KPNA6: variants seen among roughly 807,000 people sequenced by gnomAD.
The protein encoded by KPNA6 is karyopherin subunit alpha 6.
A neutral mutation model predicts 72.0 loss-of-function variants in KPNA6; 9 were observed. The observed-to-expected ratio is 0.13, with a 90% CI of 0.08 to 0.22. KPNA6 has a LOEUF of 0.22. KPNA6 is among the 10% of genes least tolerant of loss of function. The pLI is 1.00. For synonymous variants in KPNA6, 219 were observed against 242.1 expected, an observed-to-expected ratio of 0.90 and a Z score of 0.89; for missense variants, 374 against 655.7, an observed-to-expected ratio of 0.57 and a Z score of 4.69.
At chr1:32,153,016 C>CAAAAAAAA (rs766574019) in intron 1 of KPNA6, among the ~76,000 whole-genome samples, 1 of 34,946 alleles carries the variant, frequency 2.9e-5, no homozygotes, top group Non-Finnish European at 5.6e-5. Flanking sequence ...GACTCCATCT[C>CAAAAAAAA]AAAAAAAAAA....
At position 32,119,015 on chromosome 1, in the gene KPNA6, TATA is replaced by T. The variant is rs1246097509; in HGVS notation, c.4+10882_4+10884del. ...GTGTATACATATATATATATATATA[TATA>T]TATATATATATATATTTTTTTTTTT... is the stretch of plus-strand genomic sequence containing the variant. On this transcript the variant is annotated intron_variant, in intron 1 of 13. Transcript: ENST00000373625. Among the ~76,000 whole-genome samples, 118 of 73,508 alleles carry T rather than the reference TATA, an allele frequency of 1.6e-3. 8 individuals carry two copies. The highest frequency in any genetic ancestry group is 4.9e-3 in the East Asian group (13 of 2,674). 48.2% of individuals were successfully genotyped at this position (73,508 alleles called of 152,430 possible).
chr1:32,157,078 C>T (rs1642159119), intron 3 of KPNA6, 133 bp downstream of exon 3: 1 of 660,926 alleles, frequency 1.5e-6, no homozygotes, highest in Non-Finnish European at 2.6e-6. Flanking sequence ...ACCCTTTCGT[C>T]AGCTTTAGGA....
chr1:32,156,389 G>T (rs989955518), intron 2 of KPNA6, among the ~76,000 whole-genome samples: 1 of 151,928 alleles, frequency 6.6e-6, no homozygotes, highest in Non-Finnish European at 1.5e-5. Context: ...CATTTGAATT[G>T]CCAGCATCAC....
intron 1 of KPNA6, among the ~76,000 whole-genome samples, chr1:32,115,296 C>A (rs1429860738): frequency 6.6e-6 from 1 of 151,792 alleles, no homozygotes; most frequent in Non-Finnish European, 1.5e-5. Context: ...CTACCACGCC[C>A]GGCTAATTTT....
At chr1:32,117,494 A>G (rs1195228783) in intron 1 of KPNA6, among the ~76,000 whole-genome samples, 2 of 149,922 alleles carry the variant, frequency 1.3e-5, no homozygotes, top group African/African-American at 5.0e-5. Flanking sequence ...TTTTTTTTAA[A>G]AAAAACACAC....
intron 1 of KPNA6, among the ~76,000 whole-genome samples, chr1:32,152,873 T>A (rs1264382210): frequency 1.4e-5 from 2 of 146,090 alleles, no homozygotes; most frequent in African/African-American, 5.1e-5. Context: ...ATAAAAAAAA[T>A]TAGCCCTGCG....
chr1:32,169,735 C>A, intron 12 of KPNA6, 147 bp from the exon 13 acceptor site: 2 of 599,164 alleles, frequency 3.3e-6, no homozygotes, highest in Non-Finnish European at 5.5e-6. Flanking sequence ...GCTGGGATCA[C>A]AGGTGTGAAC....
intron 10 of KPNA6, 94 bp from the exon 11 acceptor site, chr1:32,166,011 A>G: frequency 7.1e-7 from 1 of 1,418,312 alleles, no homozygotes; most frequent in Non-Finnish European, 9.4e-7. Context: ...AAAAAAAACA[A>G]AAACAACAAC....
At chr1:32,111,521 G>C (rs1641243375) in intron 1 of KPNA6, among the ~76,000 whole-genome samples, 1 of 152,070 alleles carries the variant, frequency 6.6e-6, no homozygotes, top group South Asian at 2.1e-4. Flanking sequence ...GTTTGTTGTA[G>C]ACCAAACTAA....
At chr1:32,116,478 G>T (rs1444618971) in intron 1 of KPNA6, among the ~76,000 whole-genome samples, 1 of 151,984 alleles carries the variant, frequency 6.6e-6, no homozygotes, top group East Asian at 1.9e-4. Flanking sequence ...GACTAACATG[G>T]AGAAACCCTG....
At chr1:32,160,733 C>T (rs57514043) in intron 7 of KPNA6, 30 bp downstream of exon 7, 13 of 1,561,980 alleles carry the variant, frequency 8.3e-6, no homozygotes, top group South Asian at 3.3e-5. Flanking sequence ...TGTACCTGGG[C>T]GTCTACTGGG....
At chr1:32,143,304 A>C (rs373607195) in intron 1 of KPNA6, among the ~76,000 whole-genome samples, 1 of 152,060 alleles carries the variant, frequency 6.6e-6, no homozygotes, top group African/African-American at 2.4e-5. Flanking sequence ...GGGCTCAAGC[A>C]GTCTGCCCAC....
rs901100653 is a variant in KPNA6, at chr1:32,173,332, T to C, written c.*2438T>C. On this transcript the variant is annotated 3_prime_UTR_variant, in exon 14 of 14. Coordinates refer to ENST00000373625, the MANE Select transcript of KPNA6 (RefSeq NM_012316.5). The stretch of plus-strand genomic sequence containing the variant: ...TAGTGTAAGACATACACATCCTGCT[T>C]GTCCAGCTGTTCCTCCAAAATCTAC... The C allele has an allele frequency of 1.2e-4, 45 of 381,790 alleles. No individual in the cohort carries two copies. Among genetic ancestry groups the C allele is most frequent in the African/African-American group, 8.3e-4 (40 of 48,354 alleles). 23.7% of individuals were successfully genotyped at this position (381,790 alleles called of 1,614,324 possible). A position where few individuals can be genotyped will look rare whatever the true frequency, so the allele number is the denominator to read the frequency against.
At chr1:32,124,157 G>C (rs1641488843) in intron 1 of KPNA6, among the ~76,000 whole-genome samples, 1 of 151,810 alleles carries the variant, frequency 6.6e-6, no homozygotes, top group Non-Finnish European at 1.5e-5. Context: ...AGGATCGCTT[G>C]AGCCTAGGAG....
intron 1 of KPNA6, among the ~76,000 whole-genome samples, chr1:32,114,910 G>A (rs952622127): frequency 2.0e-5 from 3 of 152,014 alleles, no homozygotes; most frequent in Non-Finnish European, 4.4e-5. Context: ...GCACGATCTC[G>A]CCTCACTGCA....
chr1:32,136,548 A>G (rs555580206), intron 1 of KPNA6, among the ~76,000 whole-genome samples: 2 of 152,292 alleles, frequency 1.3e-5, no homozygotes, highest in East Asian at 1.9e-4. Context: ...CTCATTCACA[A>G]TGATGGAAAC....
chr1:32,155,076 C>T (rs1570053124), intron 2 of KPNA6, among the ~76,000 whole-genome samples: 1 of 131,198 alleles, frequency 7.6e-6, no homozygotes, highest in Non-Finnish European at 1.6e-5. Context: ...TGCCATTGCA[C>T]TCCAGCCTGG....
At chr1:32,112,877 T>A (rs1473668265) in intron 1 of KPNA6, among the ~76,000 whole-genome samples, 1 of 152,164 alleles carries the variant, frequency 6.6e-6, no homozygotes, top group African/African-American at 2.4e-5. Flanking sequence ...TGGAGGGTCT[T>A]ACCTTGATGT....
intron 1 of KPNA6, among the ~76,000 whole-genome samples, chr1:32,108,595 C>T (rs916877556): frequency 6.6e-6 from 1 of 152,244 alleles, no homozygotes; most frequent in South Asian, 2.1e-4. Context: ...GAGGTGGAGT[C>T]CTCTAGTGAG....
Sources: allele counts gnomAD v4.1 joint callset (sites outside exome capture counted in the v4.1 genomes callset), GRCh38; gene constraint gnomAD v4.1.1; transcripts MANE v1.5; gene names NCBI Gene and HGNC (gene_info 2026-07-23, HGNC 2026-07-21).